Variants in PBX3 observed in about 807,000 individuals in gnomAD.
PBX3 encodes the protein PBX homeobox 3, also known as pre-B-cell leukemia transcription factor 3.
In PBX3, 14 loss-of-function variants were observed where a neutral mutation model predicts 48.5. The ratio of observed to expected loss-of-function variants is 0.29; its 90% confidence interval spans 0.19 to 0.45. The LOEUF (loss-of-function observed/expected upper bound fraction) is 0.45. Ranked by LOEUF, PBX3 falls within the 20% of genes least tolerant of loss-of-function variation. The pLI is 1.00. For synonymous variants in PBX3, 210 were observed against 200.3 expected (o/e 1.05, Z -0.41); for missense variants, 386 against 546.7 (o/e 0.71, Z 2.93).
At chr9:125,804,918 G>GATCAGGCTGAGATCATA (rs1838075368) in intron 2 of PBX3, among the ~76,000 whole-genome samples, 1 of 39,694 alleles carries the variant, frequency 2.5e-5, no homozygotes, top group Non-Finnish European at 9.1e-5. Context: ...CTGCACTCCA[G>GATCAGGCTGAGATCATA]CCTGGGTGAC....
intron 5 of PBX3, among the ~76,000 whole-genome samples, chr9:125,938,484 A>ATAG (rs1363110119): frequency 6.6e-6 from 1 of 152,204 alleles, no homozygotes; most frequent in Non-Finnish European, 1.5e-5. Flanking sequence ...AAAAAAAGTA[A>ATAG]TAGTAGAGTG....
At chr9:125,840,978 A>G (rs1839273783) in intron 2 of PBX3, among the ~76,000 whole-genome samples, 1 of 152,124 alleles carries the variant, frequency 6.6e-6, no homozygotes, top group South Asian at 2.1e-4. Flanking sequence ...TATTAGTTCA[A>G]TTATTATATT....
At chr9:125,803,392 C>G (rs1838027223) in intron 2 of PBX3, among the ~76,000 whole-genome samples, 2 of 151,984 alleles carry the variant, frequency 1.3e-5, no homozygotes, top group Admixed American at 6.6e-5. Context: ...CCGGCCCCCA[C>G]TGATGTCTTT....
rs77496728 is a variant in PBX3 at position 125,936,038 on chromosome 9, G to A, written c.843+431G>A. On this transcript the variant is annotated intron_variant, in intron 5 of 8. Coordinates refer to ENST00000373489, the MANE Select transcript of PBX3 (RefSeq NM_006195.6). ...GGTGAAAGCTTTGAGGAATTCACCAGGCCCTTTCTTGGTAACATACTACAA... is the reference window on the plus strand; with the variant it reads ...GGTGAAAGCTTTGAGGAATTCACCAAGCCCTTTCTTGGTAACATACTACAA... Among the ~76,000 whole-genome samples, 279 of 152,272 alleles carry A rather than the reference G, an allele frequency of 1.8e-3. 2 individuals carry two copies. Among genetic ancestry groups the A allele is most frequent in the African/African-American group, 6.2e-3 (258 of 41,566 alleles).
At chr9:125,802,687 T>C (rs958297178) in intron 2 of PBX3, among the ~76,000 whole-genome samples, 2 of 151,068 alleles carry the variant, frequency 1.3e-5, no homozygotes, top group Non-Finnish European at 3.0e-5. Context: ...TTTTTTTTGT[T>C]TGTTTTTTTG....
intron 2 of PBX3, among the ~76,000 whole-genome samples, chr9:125,879,223 G>A (rs568295903): frequency 6.6e-6 from 1 of 151,878 alleles, no homozygotes; most frequent in Non-Finnish European, 1.5e-5. Context: ...GACTACAGGT[G>A]CACTCCACCA....
At chr9:125,777,362 C>CTT (rs58828825) in intron 2 of PBX3, among the ~76,000 whole-genome samples, 2,840 of 140,128 alleles carry the variant, frequency 0.02, 154 homozygotes, top group East Asian at 0.17. Context: ...TCTTCTTCTT[C>CTT]TTTTTTTTTT....
At chr9:125,920,888 A>C (rs1349810052) in intron 3 of PBX3, among the ~76,000 whole-genome samples, 1 of 152,170 alleles carries the variant, frequency 6.6e-6, no homozygotes, top group Non-Finnish European at 1.5e-5. Context: ...AATTTAAACT[A>C]CTGTAAAAGC....
chr9:125,860,025 G>A (rs1056997373), intron 2 of PBX3, among the ~76,000 whole-genome samples: 4 of 152,194 alleles, frequency 2.6e-5, no homozygotes, highest in African/African-American at 9.6e-5. Context: ...GAGAAAGGCT[G>A]AGTTAGTTTA....
intron 2 of PBX3, among the ~76,000 whole-genome samples, chr9:125,874,458 A>G (rs1283635444): frequency 6.6e-6 from 1 of 152,206 alleles, no homozygotes; most frequent in Non-Finnish European, 1.5e-5. Context: ...AAGTGAGTCC[A>G]GCAATGCATA....
intron 2 of PBX3, among the ~76,000 whole-genome samples, chr9:125,830,062 T>A (rs1030112856): frequency 6.6e-6 from 1 of 152,150 alleles, no homozygotes; most frequent in Non-Finnish European, 1.5e-5. Context: ...AACAGGAAGC[T>A]TGATTAAAAG....
At chr9:125,943,139 G>C (rs753684476) in intron 5 of PBX3, among the ~76,000 whole-genome samples, 1 of 151,954 alleles carries the variant, frequency 6.6e-6, no homozygotes, top group Non-Finnish European at 1.5e-5. Context: ...GGCTGAGGCG[G>C]GTGGATCGCC....
chr9:125,851,282 G>A (rs1839568433), intron 2 of PBX3, among the ~76,000 whole-genome samples: 1 of 151,840 alleles, frequency 6.6e-6, no homozygotes, highest in African/African-American at 2.4e-5. Flanking sequence ...GTGTTAATTA[G>A]TAAAAGAATT....
At chr9:125,888,930 T>G (rs1840567864) in intron 2 of PBX3, among the ~76,000 whole-genome samples, 1 of 152,194 alleles carries the variant, frequency 6.6e-6, no homozygotes, top group Admixed American at 6.5e-5. Context: ...TGGATGATTA[T>G]GAGTATGAAG....
chr9:125,822,742 A>G (rs1490769416), intron 2 of PBX3, among the ~76,000 whole-genome samples: 2 of 152,152 alleles, frequency 1.3e-5, no homozygotes, highest in Non-Finnish European at 2.9e-5. Context: ...CAAAGCATAT[A>G]TTTCATTAAT....
At chr9:125,926,472 A>G (rs1841578960) in intron 3 of PBX3, among the ~76,000 whole-genome samples, 2 of 152,064 alleles carry the variant, frequency 1.3e-5, no homozygotes, top group Admixed American at 1.3e-4. Flanking sequence ...GTGAACCAAG[A>G]TCATGCCACT....
chr9:125,830,928 A>G (rs1421787054), intron 2 of PBX3, among the ~76,000 whole-genome samples: 1 of 152,166 alleles, frequency 6.6e-6, no homozygotes. Context: ...AGTAGAGGGT[A>G]CAATGAACTC....
At chr9:125,857,441 T>C (rs967388742) in intron 2 of PBX3, among the ~76,000 whole-genome samples, 3 of 152,142 alleles carry the variant, frequency 2.0e-5, no homozygotes, top group Non-Finnish European at 4.4e-5. Context: ...GATAAGTCCC[T>C]TCTCTCCCCA....
intron 2 of PBX3, among the ~76,000 whole-genome samples, chr9:125,903,071 T>C (rs1840988079): frequency 6.6e-6 from 1 of 151,842 alleles, no homozygotes; most frequent in African/African-American, 2.4e-5. Context: ...TTGTTTACGC[T>C]CTGGCATTTA....
Sources: allele counts gnomAD v4.1 joint callset (sites outside exome capture counted in the v4.1 genomes callset), GRCh38; gene constraint gnomAD v4.1.1; transcripts MANE v1.5; gene names NCBI Gene and HGNC (gene_info 2026-07-23, HGNC 2026-07-21).